The following RBFOX1 variants were observed in gnomAD, a reference collection of about 807,000 sequenced individuals.
RBFOX1 encodes RNA binding fox-1 homolog 1, also known as RNA binding protein fox-1 homolog 1.
A neutral mutation model predicts 57.7 loss-of-function variants in RBFOX1; 8 were observed. The ratio of observed to expected loss-of-function variants is 0.14; its 90% CI spans 0.08 to 0.25. RBFOX1 has a LOEUF of 0.25. Ranked by LOEUF, RBFOX1 falls within the 10% of genes least tolerant of loss-of-function variation. RBFOX1 has a pLI of 1.00. For missense variants in RBFOX1, 611 were observed against 548.5 expected (o/e 1.11, Z -1.14); for synonymous variants, 326 against 222.4 (o/e 1.47, Z -4.15).
At chr16:5,975,937 A>T (rs1414275267) in intron 4 of RBFOX1, among the ~76,000 whole-genome samples, 1 of 152,124 alleles carries the variant, frequency 6.6e-6, no homozygotes, top group Non-Finnish European at 1.5e-5. Context: ...TGAGGTCAGA[A>T]GTTCAAGACC....
At chr16:6,581,851 A>C (rs569065524) in intron 2 of RBFOX1, among the ~76,000 whole-genome samples, 1 of 152,334 alleles carries the variant, frequency 6.6e-6, no homozygotes, top group East Asian at 1.9e-4. Context: ...TGCCACTGAG[A>C]TTACATGTCC....
chr16:5,317,402 G>T (rs1419136235), intron 1 of RBFOX1, among the ~76,000 whole-genome samples: 17 of 152,136 alleles, frequency 1.1e-4, no homozygotes. Flanking sequence ...TGAGGCCAGG[G>T]GTTCAAGCCA....
Position 6,832,838 on chromosome 16 carries a change from A to G in RBFOX1, c.-16+178188A>G, listed in dbSNP as rs549816198. On this transcript the variant is annotated intron_variant, in intron 3 of 15. Transcript: ENST00000550418. ...CATTCATTTATTGATTAAATAGTTA[A>G]GAATCCCAACTACGTATCAAAGCCT... 2.0e-5 allele frequency among the ~76,000 whole-genome samples: 3 copies of G among 152,360 alleles called. No homozygotes were observed. In the East Asian group the frequency reaches 5.8e-4, roughly 29 times the overall value.
intron 5 of RBFOX1, among the ~76,000 whole-genome samples, chr16:7,538,971 G>C (rs922796341): frequency 6.6e-6 from 1 of 151,442 alleles, no homozygotes; most frequent in South Asian, 2.1e-4. Context: ...ACACACTTCA[G>C]TGGTGGCTGA....
intron 1 of RBFOX1, among the ~76,000 whole-genome samples, chr16:6,070,622 C>T (rs1454828692): frequency 1.3e-5 from 2 of 151,858 alleles, no homozygotes; most frequent in African/African-American, 4.8e-5. Flanking sequence ...TTCATAGGTG[C>T]CTTTTTTTCC....
chr16:7,231,086 C>G (rs142756224), intron 4 of RBFOX1, among the ~76,000 whole-genome samples: 19 of 152,222 alleles, frequency 1.2e-4, no homozygotes, highest in African/African-American at 4.6e-4. Flanking sequence ...GAATCTACCT[C>G]TCCAGAATTC....
At chr16:7,574,673 T>C (rs1043070284) in intron 5 of RBFOX1, among the ~76,000 whole-genome samples, 8 of 152,106 alleles carry the variant, frequency 5.3e-5, no homozygotes, top group African/African-American at 1.9e-4. Context: ...CCCACCCAGA[T>C]TGAGGGTGGG....
At chr16:5,400,142 C>G (rs1348475883) in intron 1 of RBFOX1, among the ~76,000 whole-genome samples, 2 of 151,826 alleles carry the variant, frequency 1.3e-5, no homozygotes, top group African/African-American at 2.4e-5. Context: ...CTCTGTCACC[C>G]AGGCTGGAGT....
At chr16:7,021,625 T>C (rs1312149939) in intron 3 of RBFOX1, among the ~76,000 whole-genome samples, 1 of 147,222 alleles carries the variant, frequency 6.8e-6, no homozygotes, top group Non-Finnish European at 1.5e-5. Flanking sequence ...TAATATTTTA[T>C]AAATTATATA....
intron 9 of RBFOX1, among the ~76,000 whole-genome samples, chr16:7,603,530 G>A (rs918210967): frequency 2.0e-5 from 3 of 152,188 alleles, no homozygotes; most frequent in African/African-American, 7.2e-5. Context: ...TCTAAGAGGA[G>A]GTGGGAAAGT....
At chr16:6,763,242 A>C (rs892387188) in intron 3 of RBFOX1, among the ~76,000 whole-genome samples, 6 of 152,204 alleles carry the variant, frequency 3.9e-5, no homozygotes, top group Admixed American at 3.3e-4. Context: ...GGAATGAATT[A>C]ATCAATAAAT....
rs553234643 is a variant in RBFOX1 at position 7,126,016 on chromosome 16, G to C, written c.27+73918G>C. ...GAGAATCACTTGAACCTGGGAGGCG[G>C]AGGTTGCAGTGAGCTGAGATCGCAC... On this transcript the variant is annotated intron_variant, in intron 4 of 15. Coordinates refer to ENST00000550418, the MANE Select transcript of RBFOX1 (RefSeq NM_018723.4). 1.1e-4 allele frequency among the ~76,000 whole-genome samples: 16 copies of C among 152,292 alleles called. No individual in the cohort carries two copies. In the East Asian group the frequency reaches 2.5e-3, roughly 24 times the overall value.
intron 4 of RBFOX1, among the ~76,000 whole-genome samples, chr16:5,888,476 A>G (rs2057955011): frequency 6.6e-6 from 1 of 152,086 alleles, no homozygotes; most frequent in Admixed American, 6.6e-5. Flanking sequence ...CAATACTGAA[A>G]CCATAGTTGC....
intron 3 of RBFOX1, among the ~76,000 whole-genome samples, chr16:6,995,518 A>G (rs1284690177): frequency 2.6e-5 from 4 of 152,110 alleles, no homozygotes; most frequent in East Asian, 1.9e-4. Context: ...TAATCCCACT[A>G]CTTTGGGAGG....
intron 2 of RBFOX1, among the ~76,000 whole-genome samples, chr16:6,646,753 A>G (rs1052715771): frequency 2.6e-5 from 4 of 152,022 alleles, no homozygotes; most frequent in African/African-American, 7.2e-5. Flanking sequence ...TCACTCCCAT[A>G]TTGAGTTAAT....
chr16:5,545,117 C>G (rs2045136665), intron 2 of RBFOX1, among the ~76,000 whole-genome samples: 3 of 151,854 alleles, frequency 2.0e-5, no homozygotes, highest in Non-Finnish European at 4.4e-5. Context: ...GCTGGGATTA[C>G]AGGCACCTGC....
chr16:5,832,394 GCC>G, intron 3 of RBFOX1, among the ~76,000 whole-genome samples: 1 of 152,228 alleles, frequency 6.6e-6, no homozygotes, highest in Non-Finnish European at 1.5e-5. Flanking sequence ...GGGCTATTTT[GCC>G]ACTTCCTAGC....
intron 3 of RBFOX1, among the ~76,000 whole-genome samples, chr16:5,825,143 C>G (rs891142763): frequency 1.3e-5 from 2 of 152,206 alleles, no homozygotes; most frequent in African/African-American, 2.4e-5. Context: ...ACTCTGGACC[C>G]TCGTTGCCCA....
intron 3 of RBFOX1, among the ~76,000 whole-genome samples, chr16:5,729,849 C>T (rs1207468798): frequency 1.3e-5 from 2 of 152,152 alleles, no homozygotes; most frequent in Non-Finnish European, 2.9e-5. Flanking sequence ...AATGCCAGAC[C>T]CTTGGCTATT....
Sources: gnomAD v4.1 joint callset for allele counts (sites outside exome capture counted in the v4.1 genomes callset) on GRCh38, gnomAD v4.1.1 for gene constraint, MANE v1.5 for transcripts, NCBI Gene and HGNC (gene_info 2026-07-23, HGNC 2026-07-21) for gene names.